The following YIPF4 variants were observed in gnomAD, a reference collection of about 807,000 sequenced individuals.
The protein encoded by YIPF4 is protein YIPF4.
In YIPF4, 18 loss-of-function variants were observed where a neutral mutation model predicts 29.4. The ratio of observed to expected loss-of-function variants is 0.61; its 90% CI spans 0.42 to 0.91. The LOEUF is 0.91. Among genes scored for constraint, YIPF4 ranks in the 40% least tolerant of loss-of-function variants. The pLI, the probability that YIPF4 is intolerant of heterozygous loss-of-function variation, is 0.00. For synonymous variants in YIPF4, 115 were observed against 104.7 expected (o/e 1.10, Z -0.60); for missense variants, 279 against 282.7 (o/e 0.99, Z 0.09).
At position 32,312,274 on chromosome 2, in the gene YIPF4, G is replaced by A. The variant is rs2031728697; in HGVS notation, c.*6648G>A. 6.6e-6 allele frequency: 1 copy of A among 151,724 alleles called. No homozygotes were observed. The highest frequency in any genetic ancestry group is 2.1e-4 in the South Asian group (1 of 4,804). 9.4% of individuals were successfully genotyped at this position (151,724 alleles called of 1,614,324 possible). A position where few individuals can be genotyped will look rare whatever the true frequency, so the allele number is the denominator to read the frequency against. On this transcript the variant is annotated 3_prime_UTR_variant, in exon 6 of 6. Coordinates refer to ENST00000238831, the MANE Select transcript of YIPF4 (RefSeq NM_032312.4). The stretch of plus-strand genomic sequence containing the variant: ...GAGGCCGAGGTGGGCGGACCACGAG[G>A]TCAGGAGATCGAGACCATCCTGGCT...
intron 1 of YIPF4, among the ~76,000 whole-genome samples, chr2:32,279,273 T>C (rs1378444984): frequency 6.7e-6 from 1 of 148,874 alleles, no homozygotes; most frequent in African/African-American, 2.5e-5. Flanking sequence ...GCCCCGGCCA[T>C]TTTCAAATTT....
chr2:32,279,603 G>T (rs1267490720), intron 1 of YIPF4, among the ~76,000 whole-genome samples: 2 of 146,858 alleles, frequency 1.4e-5, no homozygotes, highest in African/African-American at 5.0e-5. Context: ...TAGAGACGGG[G>T]TTTCATAGTG....
chr2:32,304,606 G>A (rs1428751298), intron 5 of YIPF4, among the ~76,000 whole-genome samples: 1 of 152,192 alleles, frequency 6.6e-6, no homozygotes, highest in Non-Finnish European at 1.5e-5. Flanking sequence ...TATATAGTGT[G>A]TAGAGAGCAG....
chr2:32,279,010 C>G (rs980192462), intron 1 of YIPF4, among the ~76,000 whole-genome samples: 9 of 151,984 alleles, frequency 5.9e-5, no homozygotes, highest in Admixed American at 5.2e-4. Flanking sequence ...CTCTGTCGCC[C>G]AGGCTGGAGT....
rs35334643 is a variant in YIPF4, at chr2:32,312,487, C to CAAAAAAAAAAAAAAAAAAAAAA, written c.*6872_*6893dup. ...TGGGCGACAGAGCGAGAATCCGTCTCAAAAAAAAAAAAAAAAAAAAAAAAA... is the reference window on the plus strand; with the variant it reads ...TGGGCGACAGAGCGAGAATCCGTCTCAAAAAAAAAAAAAAAAAAAAAAAAAAAAAAAAAAAAAAAAAAAAAAA... On this transcript the variant is annotated 3_prime_UTR_variant, in exon 6 of 6. Transcript: ENST00000238831. 2 of 37,380 alleles carry CAAAAAAAAAAAAAAAAAAAAAA rather than the reference C, an allele frequency of 5.4e-5. No individual in the cohort carries two copies. The highest frequency in any genetic ancestry group is 8.4e-5 in the Non-Finnish European group (2 of 23,744). 2.3% of individuals were successfully genotyped at this position (37,380 alleles called of 1,614,324 possible). A position where few individuals can be genotyped will look rare whatever the true frequency, so the allele number is the denominator to read the frequency against.
At chr2:32,285,219 A>T (rs1430081613) in intron 1 of YIPF4, among the ~76,000 whole-genome samples, 1 of 152,198 alleles carries the variant, frequency 6.6e-6, no homozygotes, top group South Asian at 2.1e-4. Flanking sequence ...AAATAAAGCA[A>T]ACTGTCAAGG....
chr2:32,289,768 C>T (rs2030832944), intron 1 of YIPF4, among the ~76,000 whole-genome samples: 1 of 152,052 alleles, frequency 6.6e-6, no homozygotes, highest in South Asian at 2.1e-4. Flanking sequence ...AATCTCTTCA[C>T]CTCTTGTTAG....
intron 3 of YIPF4, among the ~76,000 whole-genome samples, chr2:32,294,952 A>G (rs2031113209): frequency 6.6e-6 from 1 of 151,116 alleles, no homozygotes; most frequent in Admixed American, 6.6e-5. Context: ...CTGCAATGGC[A>G]GGCACTCGGC....
At chr2:32,304,527 C>T (rs760593539) in intron 5 of YIPF4, among the ~76,000 whole-genome samples, 2 of 151,896 alleles carry the variant, frequency 1.3e-5, no homozygotes, top group Non-Finnish European at 2.9e-5. Context: ...TGATTCTCAA[C>T]TGAGGTAGAT....
chr2:32,286,868 C>T (rs1017022771), intron 1 of YIPF4, among the ~76,000 whole-genome samples: 1 of 152,202 alleles, frequency 6.6e-6, no homozygotes, highest in Non-Finnish European at 1.5e-5. Flanking sequence ...CGTGATCAAG[C>T]TCCAGTATAG....
intron 1 of YIPF4, among the ~76,000 whole-genome samples, chr2:32,285,213 A>G (rs2030613447): frequency 6.6e-6 from 1 of 152,220 alleles, no homozygotes; most frequent in Non-Finnish European, 1.5e-5. Context: ...GCATGCAAAT[A>G]AAGCAAACTG....
Position 32,305,977 on chromosome 2 carries a change from C to G in YIPF4, c.*351C>G. 1 of 988,110 alleles carries G rather than the reference C, an allele frequency of 1.0e-6. No homozygotes were observed. Among genetic ancestry groups the G allele is most frequent in the Non-Finnish European group, 1.2e-6 (1 of 831,712 alleles). The allele number at this position is 988,110 out of a possible 1,614,324, so 61.2% of individuals were successfully genotyped here. A position where few individuals can be genotyped will look rare whatever the true frequency, so the allele number is the denominator to read the frequency against. Reference sequence around the variant, plus strand: ...ACTTAAAGGGTAAATTTGACAATATCTTGATAATCAAAAGTGCAATTTTTT... The same window carrying G: ...ACTTAAAGGGTAAATTTGACAATATGTTGATAATCAAAAGTGCAATTTTTT... On this transcript the variant is annotated 3_prime_UTR_variant, in exon 6 of 6. Coordinates refer to ENST00000238831, the MANE Select transcript of YIPF4 (RefSeq NM_032312.4).
In YIPF4 at chr2:32,294,315, C is replaced by T. The variant is rs1311038621; in HGVS notation, c.405+1967C>T. On this transcript the variant is annotated intron_variant, in intron 3 of 5. Coordinates refer to ENST00000238831, the MANE Select transcript of YIPF4 (RefSeq NM_032312.4). ...GGGGCTCCTCACTTCTCAGACGGGGCGGCTGCCGGGCGGACGGGCTCCTCA... is the reference window on the plus strand; with the variant it reads ...GGGGCTCCTCACTTCTCAGACGGGGTGGCTGCCGGGCGGACGGGCTCCTCA... 7.4e-5 allele frequency among the ~76,000 whole-genome samples: 11 copies of T among 148,716 alleles called. No homozygotes were observed. The East Asian group carries it at 8.2e-4, about 11-fold the overall frequency.
chr2:32,309,681 C>CTTTTTTT lies in YIPF4; in HGVS notation c.*4074_*4080dup, dbSNP rs200229465. ...TTTTAGGCTTTAGGGAATTGTGACC[C>CTTTTTTT]TTTTTTTTTTTTTTTTTTTTTTTTT... On this transcript the variant is annotated 3_prime_UTR_variant, in exon 6 of 6. Coordinates refer to ENST00000238831, the MANE Select transcript of YIPF4 (RefSeq NM_032312.4). 15 of 116,276 alleles carry CTTTTTTT rather than the reference C, an allele frequency of 1.3e-4. No individual in the cohort carries two copies. Among genetic ancestry groups the CTTTTTTT allele is most frequent in the East Asian group, 2.8e-4 (1 of 3,606 alleles). 7.2% of individuals were successfully genotyped at this position (116,276 alleles called of 1,614,324 possible). A position where few individuals can be genotyped will look rare whatever the true frequency, so the allele number is the denominator to read the frequency against.
chr2:32,312,521 T>TAAAAA lies in YIPF4; in HGVS notation c.*6896_*6897insAAAAA, dbSNP rs2031734908. On this transcript the variant is annotated 3_prime_UTR_variant, in exon 6 of 6. Transcript: ENST00000238831. ...AAAAAAAAAAAAAAAAAAAAAAAAT[T>TAAAAA]ATTTTCAAAGGATTGTGCTAGTGGT... 1 of 100,950 alleles carries TAAAAA rather than the reference T, an allele frequency of 9.9e-6. No homozygotes were observed. The highest frequency in any genetic ancestry group is 4.0e-5 in the African/African-American group (1 of 25,208). 6.3% of individuals were successfully genotyped at this position (100,950 alleles called of 1,614,324 possible).
rs1198515731 is a variant in YIPF4 at position 32,309,842 on chromosome 2, C to T, written c.*4216C>T. 3 of 152,014 alleles carry T rather than the reference C, an allele frequency of 2.0e-5. No individual in the cohort carries two copies. The highest frequency in any genetic ancestry group is 4.4e-5 in the Non-Finnish European group (3 of 68,022). The allele number at this position is 152,014 out of a possible 1,614,324, so 9.4% of individuals were successfully genotyped here. ...TAGCTAGGATTACCGGTGCCCGCCA[C>T]CACGCCCAGCTAATTTTTTAAATTT... On this transcript the variant is annotated 3_prime_UTR_variant, in exon 6 of 6. Coordinates refer to ENST00000238831, the MANE Select transcript of YIPF4 (RefSeq NM_032312.4).
chr2:32,296,185 AG>A (rs1421879359), intron 3 of YIPF4, among the ~76,000 whole-genome samples: 1 of 152,166 alleles, frequency 6.6e-6, no homozygotes, highest in Non-Finnish European at 1.5e-5. Flanking sequence ...AAGGGTTCTA[AG>A]GTTAAAAACA....
chr2:32,278,450 TC>T (rs1382639920), intron 1 of YIPF4, among the ~76,000 whole-genome samples: 2 of 152,062 alleles, frequency 1.3e-5, no homozygotes, highest in African/African-American at 4.8e-5. Flanking sequence ...AGTTACTCGG[TC>T]AGCCCTTGGT....
intron 1 of YIPF4, among the ~76,000 whole-genome samples, chr2:32,279,032 A>T (rs1005624297): frequency 6.7e-6 from 1 of 150,340 alleles, no homozygotes; most frequent in Non-Finnish European, 1.5e-5. Flanking sequence ...CAGTGGCGCG[A>T]TCTCGGCTCA....
Sources: allele counts gnomAD v4.1 joint callset (sites outside exome capture counted in the v4.1 genomes callset), GRCh38; gene constraint gnomAD v4.1.1; transcripts MANE v1.5; gene names NCBI Gene and HGNC (gene_info 2026-07-23, HGNC 2026-07-21).